DNER: variants seen among roughly 807,000 people sequenced by gnomAD.
DNER encodes the protein delta and Notch-like epidermal growth factor-related receptor.
In DNER, 33 loss-of-function variants were observed where a neutral mutation model predicts 78.2. The ratio of observed to expected loss-of-function variants is 0.42; its 90% CI spans 0.32 to 0.56. DNER has a LOEUF of 0.56. Ranked by LOEUF, DNER falls within the 20% of genes least tolerant of loss-of-function variation. The pLI, the probability that DNER is intolerant of heterozygous loss-of-function variation, is 0.11. For missense variants in DNER, 918 were observed against 975.3 expected (o/e 0.94, Z 0.78); for synonymous variants, 417 against 384.8 (o/e 1.08, Z -0.98).
intron 1 of DNER, among the ~76,000 whole-genome samples, chr2:229,616,579 C>T (rs549467366): frequency 6.6e-6 from 1 of 152,316 alleles, no homozygotes; most frequent in South Asian, 2.1e-4. Flanking sequence ...TCCCCAGAAA[C>T]ATTGCTGTAG....
At chr2:229,674,448 T>C (rs1699268136) in intron 1 of DNER, among the ~76,000 whole-genome samples, 1 of 152,168 alleles carries the variant, frequency 6.6e-6, no homozygotes, top group African/African-American at 2.4e-5. Context: ...CTGGCTGATT[T>C]TTGTATTTTT....
At chr2:229,560,347 A>G (rs1388817857) in intron 4 of DNER, among the ~76,000 whole-genome samples, 1 of 152,198 alleles carries the variant, frequency 6.6e-6, no homozygotes, top group Non-Finnish European at 1.5e-5. Flanking sequence ...AAGTTTTCCT[A>G]TTAAGACACA....
Position 229,618,454 on chromosome 2 carries a change from T to G in DNER, c.277-26566A>C, listed in dbSNP as rs574418337. Among the ~76,000 whole-genome samples the G allele has an allele frequency of 5.3e-5, 8 of 152,272 alleles. No individual in the cohort carries two copies. The South Asian group carries it at 1.7e-3, about 32-fold the overall frequency. On this transcript the variant is annotated intron_variant, in intron 1 of 12. Coordinates refer to ENST00000341772, the MANE Select transcript of DNER (RefSeq NM_139072.4). Reference sequence around the variant, plus strand: ...TACTATGTGGCTCCAGAAGGTGGGCTCCATAATTCTCAACTCAAACTCATG... The same window carrying G: ...TACTATGTGGCTCCAGAAGGTGGGCGCCATAATTCTCAACTCAAACTCATG...
intron 1 of DNER, among the ~76,000 whole-genome samples, chr2:229,607,114 C>A (rs1259150002): frequency 6.6e-6 from 1 of 152,146 alleles, no homozygotes; most frequent in East Asian, 1.9e-4. Flanking sequence ...TCAACAAAAC[C>A]TTTTCCACTC....
At chr2:229,467,561 T>C (rs1445303792) in intron 7 of DNER, among the ~76,000 whole-genome samples, 3 of 152,212 alleles carry the variant, frequency 2.0e-5, no homozygotes, top group Non-Finnish European at 4.4e-5. Flanking sequence ...GCCAGGACTG[T>C]ATCACATGAT....
At chr2:229,638,961 T>C (rs1279288195) in intron 1 of DNER, among the ~76,000 whole-genome samples, 11 of 152,174 alleles carry the variant, frequency 7.2e-5, no homozygotes, top group Non-Finnish European at 5.9e-5. Context: ...CCAATGGGTT[T>C]CTCAATGTCT....
chr2:229,386,738 C>T (rs1242799817), intron 11 of DNER, among the ~76,000 whole-genome samples: 1 of 152,112 alleles, frequency 6.6e-6, no homozygotes, highest in Non-Finnish European at 1.5e-5. Flanking sequence ...CTCATCATCA[C>T]TGGTCATTAG....
intron 1 of DNER, among the ~76,000 whole-genome samples, chr2:229,626,328 A>G (rs13392007): frequency 6.6e-6 from 1 of 152,096 alleles, no homozygotes; most frequent in South Asian, 2.1e-4. Flanking sequence ...TCAAACCATT[A>G]CATGCAACTC....
At chr2:229,506,191 G>GGC (rs916485955) in intron 6 of DNER, among the ~76,000 whole-genome samples, 9 of 14,394 alleles carry the variant, frequency 6.3e-4, no homozygotes. Flanking sequence ...CCACAGGGCT[G>GGC]GGGGGCCTCA....
At chr2:229,690,191 T>A (rs1574567300) in intron 1 of DNER, among the ~76,000 whole-genome samples, 1 of 152,130 alleles carries the variant, frequency 6.6e-6, no homozygotes. Context: ...TGATGTAATA[T>A]ATGTGAGTAG....
chr2:229,558,799 C>T (rs1347526521), intron 4 of DNER, among the ~76,000 whole-genome samples: 1 of 152,054 alleles, frequency 6.6e-6, no homozygotes, highest in African/African-American at 2.4e-5. Flanking sequence ...TGAAAATGAG[C>T]CAGCAAGAAA....
chr2:229,510,393 C>T (rs1182736305), intron 6 of DNER, among the ~76,000 whole-genome samples: 1 of 152,222 alleles, frequency 6.6e-6, no homozygotes, highest in Non-Finnish European at 1.5e-5. Flanking sequence ...GACATGAGAA[C>T]CCTGGCTCTA....
chr2:229,428,074 CAAAAA>C (rs11358575), intron 8 of DNER, among the ~76,000 whole-genome samples: 1 of 93,196 alleles, frequency 1.1e-5, no homozygotes, highest in Non-Finnish European at 2.1e-5. Context: ...GATTCCATCT[CAAAAA>C]AAAAAAAAAA....
intron 1 of DNER, among the ~76,000 whole-genome samples, chr2:229,631,131 A>G (rs1698427542): frequency 6.6e-6 from 1 of 151,878 alleles, no homozygotes; most frequent in Non-Finnish European, 1.5e-5. Flanking sequence ...AGAATAATTT[A>G]TTTTCCTTTG....
chr2:229,587,229 C>T (rs1697519079), intron 3 of DNER: 2 of 154,678 alleles, frequency 1.3e-5, no homozygotes, highest in African/African-American at 2.4e-5. Context: ...TAGCCCAGGA[C>T]GGCAGGGGTT....
chr2:229,581,934 T>C (rs1003256460), intron 4 of DNER, among the ~76,000 whole-genome samples: 4 of 152,224 alleles, frequency 2.6e-5, no homozygotes, highest in African/African-American at 2.4e-5. Context: ...TCCTTAGTTA[T>C]GTATGTGCAA....
intron 10 of DNER, among the ~76,000 whole-genome samples, chr2:229,403,705 C>T (rs1693319595): frequency 6.6e-6 from 1 of 151,804 alleles, no homozygotes; most frequent in South Asian, 2.1e-4. Flanking sequence ...TGAAAAAATG[C>T]CTAAGGGTGA....
At chr2:229,524,660 T>C (rs976611378) in intron 5 of DNER, among the ~76,000 whole-genome samples, 1 of 152,108 alleles carries the variant, frequency 6.6e-6, no homozygotes, top group African/African-American at 2.4e-5. Context: ...TTTTTTTCCA[T>C]TAAGATTACC....
At chr2:229,434,847 G>T (rs919180907) in intron 8 of DNER, among the ~76,000 whole-genome samples, 7 of 151,576 alleles carry the variant, frequency 4.6e-5, no homozygotes, top group Non-Finnish European at 8.8e-5. Flanking sequence ...AGCAACCAAA[G>T]ATTAAACACT....
Sources: gnomAD v4.1 joint callset for allele counts (sites outside exome capture counted in the v4.1 genomes callset) on GRCh38, gnomAD v4.1.1 for gene constraint, MANE v1.5 for transcripts, NCBI Gene and HGNC (gene_info 2026-07-23, HGNC 2026-07-21) for gene names.